CSMD3: variants seen among roughly 807,000 people sequenced by gnomAD.
The protein encoded by CSMD3 is CUB and sushi domain-containing protein 3.
A neutral mutation model predicts 435.2 loss-of-function variants in CSMD3; 177 were observed. That is an observed-to-expected ratio of 0.41 (90% confidence interval 0.36 to 0.46). CSMD3 has a LOEUF of 0.46. CSMD3 is among the 20% of genes least tolerant of loss of function. The pLI is 0.34. For synonymous variants in CSMD3, 1,656 were observed against 1,520.5 expected, an observed-to-expected ratio of 1.09 and a Z score of -2.07; for missense variants, 4,265 against 4,504.6, an observed-to-expected ratio of 0.95 and a Z score of 1.52.
intron 45 of CSMD3, among the ~76,000 whole-genome samples, chr8:112,329,676 A>T (rs780018388): frequency 2.3e-4 from 35 of 152,164 alleles, no homozygotes; most frequent in Non-Finnish European, 2.4e-4. Context: ...TGTTCCTGAT[A>T]GTCTTTGGCT....
intron 2 of CSMD3, among the ~76,000 whole-genome samples, chr8:113,305,601 T>G (rs78842193): frequency 6.2e-4 from 94 of 152,344 alleles, no homozygotes; most frequent in Non-Finnish European, 8.2e-4. Context: ...ATTTCTTCAC[T>G]AAAAGCCACC....
At chr8:113,388,703 T>C (rs2094449481) in intron 1 of CSMD3, among the ~76,000 whole-genome samples, 1 of 151,626 alleles carries the variant, frequency 6.6e-6, no homozygotes, top group African/African-American at 2.4e-5. Context: ...TTTACATTGT[T>C]ACAGTTGCTA....
intron 1 of CSMD3, among the ~76,000 whole-genome samples, chr8:113,323,831 T>A (rs1054420369): frequency 6.6e-6 from 1 of 152,240 alleles, no homozygotes; most frequent in East Asian, 1.9e-4. Context: ...TACATTTTTA[T>A]ATTGTAAAAT....
At chr8:112,804,101 G>A (rs1055091223) in intron 12 of CSMD3, among the ~76,000 whole-genome samples, 5 of 152,294 alleles carry the variant, frequency 3.3e-5, no homozygotes, top group African/African-American at 9.6e-5. Flanking sequence ...TGGTGTATCC[G>A]AAAGACAAGG....
intron 4 of CSMD3, among the ~76,000 whole-genome samples, chr8:113,115,366 A>C (rs142874674): frequency 1.5e-3 from 236 of 152,354 alleles, no homozygotes; most frequent in African/African-American, 5.6e-3. Flanking sequence ...ATGAATTTTC[A>C]CAAAATGAGC....
At chr8:112,464,041 C>T (rs1241451404) in intron 32 of CSMD3, among the ~76,000 whole-genome samples, 1 of 151,998 alleles carries the variant, frequency 6.6e-6, no homozygotes, top group Non-Finnish European at 1.5e-5. Context: ...TCGAGACCAT[C>T]CTGGCTAACA....
At chr8:112,252,633 T>C (rs184833074) in intron 63 of CSMD3, among the ~76,000 whole-genome samples, 1 of 150,044 alleles carries the variant, frequency 6.7e-6, no homozygotes, top group Non-Finnish European at 1.5e-5. Context: ...CTATTTATTG[T>C]GTTAGATCTA....
At chr8:113,259,546 G>C (rs1040599414) in intron 3 of CSMD3, among the ~76,000 whole-genome samples, 1 of 152,074 alleles carries the variant, frequency 6.6e-6, no homozygotes, top group Non-Finnish European at 1.5e-5. Flanking sequence ...GACTGGTGTA[G>C]ATTGCCCCAT....
At chr8:112,715,540 T>A (rs2076705677) in intron 13 of CSMD3, among the ~76,000 whole-genome samples, 2 of 152,144 alleles carry the variant, frequency 1.3e-5, no homozygotes, top group Non-Finnish European at 2.9e-5. Context: ...TTCCAAAGAA[T>A]TGAAAAGGAG....
intron 1 of CSMD3, among the ~76,000 whole-genome samples, chr8:113,409,155 C>T (rs1298710834): frequency 7.0e-6 from 1 of 142,904 alleles, no homozygotes. Context: ...GGGATCTCAG[C>T]TCACTGCAAC....
chr8:112,613,782 T>A (rs148416335), intron 22 of CSMD3, among the ~76,000 whole-genome samples: 2 of 152,122 alleles, frequency 1.3e-5, no homozygotes, highest in Non-Finnish European at 2.9e-5. Flanking sequence ...TTTTTCATGA[T>A]GTATCTATTC....
chr8:113,113,046 C>T (rs540396245), intron 4 of CSMD3, among the ~76,000 whole-genome samples: 2 of 152,246 alleles, frequency 1.3e-5, no homozygotes, highest in African/African-American at 4.8e-5. Context: ...TTTAACTTTG[C>T]CTTATTTTTT....
chr8:112,223,402 A>G lies in CSMD3; in HGVS notation c.*1369T>C, dbSNP rs1166125909. 1.2e-5 allele frequency: 3 copies of G among 245,212 alleles called. No homozygotes were observed. In the Admixed American group the frequency reaches 1.7e-4, roughly 14 times the overall value. The allele number at this position is 245,212 out of a possible 1,614,324, so 15.2% of individuals were successfully genotyped here. A position where few individuals can be genotyped will look rare whatever the true frequency, so the allele number is the denominator to read the frequency against. On this transcript the variant is annotated 3_prime_UTR_variant, in exon 71 of 71. Transcript: ENST00000297405. ...ATCCATATTTGAAAGGGACAACAAC[A>G]AAGAGTTAACACTGGGTACATGATC...
At chr8:112,674,096 C>T (rs1227013233) in intron 16 of CSMD3, among the ~76,000 whole-genome samples, 1 of 152,078 alleles carries the variant, frequency 6.6e-6, no homozygotes, top group Non-Finnish European at 1.5e-5. Context: ...TCTCTCCATT[C>T]ACTCACCCAA....
chr8:112,961,273 A>T (rs1480160282), intron 7 of CSMD3, among the ~76,000 whole-genome samples: 1 of 151,870 alleles, frequency 6.6e-6, no homozygotes, highest in African/African-American at 2.4e-5. Context: ...TACACAAAAT[A>T]TATTATCTAT....
intron 9 of CSMD3, among the ~76,000 whole-genome samples, chr8:112,932,367 C>T (rs891787995): frequency 6.6e-5 from 10 of 152,146 alleles, no homozygotes; most frequent in Non-Finnish European, 1.2e-4. Flanking sequence ...AATTTTTATG[C>T]ATATGTGCAA....
rs1047070333 is a variant in CSMD3 at position 112,228,796 on chromosome 8, G to A, written c.10924C>T (p.Leu3642Phe). The change falls in exon 70 of 71, where the codon CTT becomes TTT. Residue 3642 changes from leucine (L) to phenylalanine (F), a missense_variant. By Grantham distance (22) the Leu-to-Phe change is conservative. Around this residue, in one of 3 missense-constraint regions of CSMD3, gnomAD observed 3,255 missense variants for 3,380.2 expected, o/e 0.96. Transcript: ENST00000297405. ...AIAILVPFFA[L>F]IFAGFGFYLY... is the part of the protein sequence containing the mutation. ...TAAAATCCAAATCCTGCAAATATAA[G>A]TGCAAAAAAAGGCACAAGAATAGCA... 2 of 1,589,472 alleles carry A rather than the reference G, an allele frequency of 1.3e-6. No individual in the cohort carries two copies. The highest frequency in any genetic ancestry group is 1.7e-6 in the Non-Finnish European group (2 of 1,158,242).
At chr8:112,251,568 C>CAT (rs901655085) in intron 63 of CSMD3, among the ~76,000 whole-genome samples, 1 of 151,540 alleles carries the variant, frequency 6.6e-6, no homozygotes, top group Non-Finnish European at 1.5e-5. Flanking sequence ...CACTATGAAA[C>CAT]ATATATTTAC....
rs567536110 is a variant in CSMD3, at chr8:112,809,990, C to A, written c.1860-9716G>T. 7.2e-5 allele frequency among the ~76,000 whole-genome samples: 11 copies of A among 152,256 alleles called. No individual in the cohort carries two copies. In the South Asian group the frequency reaches 1.7e-3, roughly 23 times the overall value. On this transcript the variant is annotated intron_variant, in intron 12 of 70. Transcript: ENST00000297405. The stretch of plus-strand genomic sequence containing the variant: ...AATTGAAACGCAGATGGTCTGTATA[C>A]ATTGACTAATCTCTCATCTAAAGCT...
Sources: gnomAD v4.1 joint callset for allele counts (sites outside exome capture counted in the v4.1 genomes callset) on GRCh38, gnomAD v4.1.1 for gene constraint, gnomAD v4.1.1 regional missense constraint, MANE v1.5 for transcripts, NCBI Gene and HGNC (gene_info 2026-07-23, HGNC 2026-07-21) for gene names.